The following UBR4 variants were observed in gnomAD, a reference collection of about 807,000 sequenced individuals.
UBR4 encodes E3 ubiquitin-protein ligase UBR4.
A neutral mutation model predicts 575.6 loss-of-function variants in UBR4; 124 were observed. The observed-to-expected ratio is 0.22, with a 90% CI of 0.19 to 0.25. UBR4 has a LOEUF of 0.25. Among genes scored for constraint, UBR4 ranks in the 10% least tolerant of loss-of-function variants. UBR4 has a pLI of 1.00. For missense variants in UBR4, 4,818 were observed against 6,478.8 expected (o/e 0.74, Z 8.80); for synonymous variants, 2,455 against 2,473.7 (o/e 0.99, Z 0.22).
intron 64 of UBR4, chr1:19,125,595 C>T (rs918104249): frequency 2.0e-5 from 3 of 152,314 alleles, no homozygotes; most frequent in South Asian, 2.1e-4. Flanking sequence ...AAAGGCAACA[C>T]GCCACACCTT....
chr1:19,183,244 A>G (rs1224098994), intron 17 of UBR4, among the ~76,000 whole-genome samples: 1 of 152,202 alleles, frequency 6.6e-6, no homozygotes, highest in African/African-American at 2.4e-5. Flanking sequence ...TTCTGCTAGC[A>G]TAATCATCAG....
At position 19,081,512 on chromosome 1, in the gene UBR4, T is replaced by C; in HGVS notation, c.15070A>G (p.Lys5024Glu). The change falls in exon 103 of 106, where the codon AAG (lysine) becomes GAG (glutamate). Residue 5024 changes from lysine (K) to glutamate (E), a missense_variant. Transcript: ENST00000375254. Reference sequence around the variant, plus strand: ...ACTTCAAAGGCACTCTCCACCCACTTCTCCTTGGGCTGTTCCAGAAAGCCT... The same window carrying C: ...ACTTCAAAGGCACTCTCCACCCACTCCTCCTTGGGCTGTTCCAGAAAGCCT... ...LQGFLEQPKEKWVESAFEVDG... is the reference protein window; with the variant it reads ...LQGFLEQPKEEWVESAFEVDG... 1 of 1,613,372 alleles carries C rather than the reference T, an allele frequency of 6.2e-7. No individual in the cohort carries two copies. The highest frequency in any genetic ancestry group is 2.2e-5 in the East Asian group (1 of 44,820).
intron 50 of UBR4, 60 bp from the exon 51 acceptor site, chr1:19,148,187 T>G: frequency 1.3e-6 from 2 of 1,547,914 alleles, no homozygotes; most frequent in South Asian, 2.4e-5. Flanking sequence ...GAATGAACTA[T>G]CTACACTCTG....
At chr1:19,119,812 G>T in intron 69 of UBR4, 111 bp from the exon 70 acceptor site, 1 of 1,395,914 alleles carries the variant, frequency 7.2e-7, no homozygotes. Context: ...GGTTAAGTTT[G>T]AACGGTTTTG....
intron 73 of UBR4, among the ~76,000 whole-genome samples, chr1:19,115,902 T>C (rs1199648388): frequency 1.3e-5 from 2 of 152,156 alleles, no homozygotes; most frequent in South Asian, 4.1e-4. Flanking sequence ...AACAGAAGTA[T>C]ATAACAAGGG....
intron 31 of UBR4, 91 bp downstream of exon 31, chr1:19,165,158 C>G: frequency 6.8e-7 from 1 of 1,472,618 alleles, no homozygotes; most frequent in Non-Finnish European, 9.4e-7. Context: ...TTAGCATTTT[C>G]ATGCTGTAGT....
chr1:19,084,404 G>T (rs1238974761), intron 102 of UBR4, 100 bp downstream of exon 102: 1 of 1,292,706 alleles, frequency 7.7e-7, no homozygotes, highest in Non-Finnish European at 1.1e-6. Flanking sequence ...CGCTTGCTCC[G>T]GAACTAGCAT....
At chr1:19,143,215 A>AAAGGAAGG (rs1315545733) in intron 55 of UBR4, among the ~76,000 whole-genome samples, 2 of 119,214 alleles carry the variant, frequency 1.7e-5, no homozygotes, top group African/African-American at 6.3e-5. Context: ...GGAAGGAAAG[A>AAAGGAAGG]AAGGAAGGAA....
chr1:19,135,829 A>G (rs2083142951), intron 60 of UBR4, among the ~76,000 whole-genome samples: 1 of 152,178 alleles, frequency 6.6e-6, no homozygotes, highest in Non-Finnish European at 1.5e-5. Context: ...CCAAAATAAA[A>G]GACACTAGCC....
At chr1:19,151,579 C>T in intron 48 of UBR4, 64 bp downstream of exon 48, 1 of 1,555,086 alleles carries the variant, frequency 6.4e-7, no homozygotes, top group Non-Finnish European at 8.9e-7. Context: ...CAGCCACAGG[C>T]CAGTGGCTCC....
intron 42 of UBR4, 138 bp from the exon 43 acceptor site, chr1:19,155,806 C>T: frequency 1.4e-6 from 1 of 703,776 alleles, no homozygotes; most frequent in Non-Finnish European, 2.4e-6. Context: ...GAGTGTTAGG[C>T]ACTGGTCTTA....
intron 8 of UBR4, among the ~76,000 whole-genome samples, chr1:19,194,398 G>A (rs953953695): frequency 5.9e-5 from 9 of 152,120 alleles, no homozygotes; most frequent in African/African-American, 2.2e-4. Context: ...TGATGTGGGA[G>A]GATCATTTGC....
At chr1:19,183,748 A>G in intron 17 of UBR4, 63 bp downstream of exon 17, 1 of 1,504,836 alleles carries the variant, frequency 6.6e-7, no homozygotes, top group East Asian at 2.3e-5. Flanking sequence ...AAACAATTGG[A>G]GCTGCAGCCT....
At position 19,155,521 on chromosome 1, in the gene UBR4, G is replaced by A; in HGVS notation, c.6220C>T (p.Leu2074Phe). Residue 2074 changes from leucine (L) to phenylalanine (F), a missense_variant, in exon 43 of 106, where the codon CTT (leucine) becomes TTT (phenylalanine). By Grantham distance (22) the Leu-to-Phe change is conservative (BLOSUM62 0). This residue lies in a region of UBR4 where 461 missense variants were observed against 606.9 expected (regional missense o/e 0.76). Coordinates refer to ENST00000375254, the MANE Select transcript of UBR4 (RefSeq NM_020765.3). Reference sequence around the variant, plus strand: ...TGGGCACTGCTGGCCTCTTCCATAAGCTGAGTATAGATGTACCCAGCCGAA... The same window carrying A: ...TGGGCACTGCTGGCCTCTTCCATAAACTGAGTATAGATGTACCCAGCCGAA... The part of the protein sequence containing the change: ...MSSAGYIYTQ[L>F]MEEASSAQQG... 6.2e-7 allele frequency: 1 copy of A among 1,614,102 alleles called. No individual in the cohort carries two copies. The highest frequency in any genetic ancestry group is 8.5e-7 in the Non-Finnish European group (1 of 1,180,010).
chr1:19,118,666 C>T, intron 71 of UBR4: 1 of 593,804 alleles, frequency 1.7e-6, no homozygotes, highest in South Asian at 2.1e-5. Flanking sequence ...TTACTACTCA[C>T]CAAACCCTGA....
Position 19,187,259 on chromosome 1 carries a change from C to T in UBR4, c.1537G>A (p.Ala513Thr), listed in dbSNP as rs1557965595. 6.2e-7 allele frequency: 1 copy of T among 1,613,912 alleles called. No individual in the cohort carries two copies. Among genetic ancestry groups the T allele is most frequent in the Non-Finnish European group, 8.5e-7 (1 of 1,179,922 alleles). The change falls in exon 13 of 106, where the codon GCC becomes ACC. Residue 513 changes from alanine to threonine, a missense_variant. Physicochemically the swap from Ala to Thr is moderately conservative, Grantham distance 58 (BLOSUM62 0). Coordinates refer to ENST00000375254, the MANE Select transcript of UBR4 (RefSeq NM_020765.3). ...ATCCTCTGTATGGAGGTGCTCTGGG[C>T]CATAATGCTCAAGGCTGCAGGGGGG... is the stretch of plus-strand genomic sequence containing the variant. ...DGPPAALSIM[A>T]QSTSIQRIQR... is the part of the protein sequence containing the mutation.
intron 11 of UBR4, 38 bp downstream of exon 11, chr1:19,192,150 T>C (rs765211218): frequency 5.7e-6 from 9 of 1,585,882 alleles, no homozygotes; most frequent in Non-Finnish European, 7.7e-6. Flanking sequence ...GTTAGCGAAA[T>C]AAAACAAAAT....
At chr1:19,143,828 C>T (rs2084447065) in intron 55 of UBR4, 152 bp downstream of exon 55, 1 of 565,182 alleles carries the variant, frequency 1.8e-6, no homozygotes, top group African/African-American at 1.9e-5. Context: ...CACCTAAATT[C>T]TTTATGGGGT....
chr1:19,190,410 G>A (rs1415107086), intron 11 of UBR4, among the ~76,000 whole-genome samples: 1 of 149,984 alleles, frequency 6.7e-6, no homozygotes, highest in African/African-American at 2.5e-5. Flanking sequence ...CTAACACAGA[G>A]CCTGGGACAC....
Sources: gnomAD v4.1 joint callset for allele counts (sites outside exome capture counted in the v4.1 genomes callset) on GRCh38, gnomAD v4.1.1 for gene constraint, gnomAD v4.1.1 regional missense constraint, MANE v1.5 for transcripts, NCBI Gene and HGNC (gene_info 2026-07-23, HGNC 2026-07-21) for gene names.